RBFOX3: variants seen among roughly 807,000 people sequenced by gnomAD.
RBFOX3 encodes the protein RNA binding protein fox-1 homolog 3.
Under a neutral mutation model 48.7 loss-of-function variants are expected in RBFOX3, and 17 were observed. That is an observed-to-expected ratio of 0.35 (90% CI 0.24 to 0.52). RBFOX3 has a LOEUF of 0.52. RBFOX3 is among the 20% of genes least tolerant of loss of function. The probability of loss-of-function intolerance (pLI) is 0.94; values close to 1 mark genes in which losing one functional copy is unlikely to be tolerated. For missense variants in RBFOX3, 382 were observed against 497.5 expected (o/e 0.77, Z 2.21); for synonymous variants, 212 against 209.5 (o/e 1.01, Z -0.10).
intron 4 of RBFOX3, among the ~76,000 whole-genome samples, chr17:79,170,128 A>AAGGAGGAAGGAGGGAAGGAAGGG (rs2048909237): frequency 7.4e-6 from 1 of 135,698 alleles, no homozygotes; most frequent in African/African-American, 3.2e-5. Flanking sequence ...GGAAGGAAGG[A>AAGGAGGAAGGAGGGAAGGAAGGG]AGGAGGAAGG....
rs575385432 is a variant in RBFOX3, at chr17:79,191,274, C to T, written c.-34+44492G>A. On this transcript the variant is annotated intron_variant, in intron 4 of 14. Transcript: ENST00000693108. ...GCACTGTAGAGAGGGAATGGTGGCCCGGGGGTACCCCGCACCCCAGGACTG... is the reference window on the plus strand; with the variant it reads ...GCACTGTAGAGAGGGAATGGTGGCCTGGGGGTACCCCGCACCCCAGGACTG... Among the ~76,000 whole-genome samples, 21 of 152,282 alleles carry T rather than the reference C, an allele frequency of 1.4e-4. No homozygotes were observed. The South Asian group carries it at 4.4e-3, about 32-fold the overall frequency.
intron 4 of RBFOX3, among the ~76,000 whole-genome samples, chr17:79,132,089 G>T (rs1447458973): frequency 6.6e-6 from 1 of 152,120 alleles, no homozygotes; most frequent in Non-Finnish European, 1.5e-5. Flanking sequence ...GGCTTGGTCG[G>T]CAGGTGCAGA....
intron 1 of RBFOX3, among the ~76,000 whole-genome samples, chr17:79,485,225 CA>C (rs2079388148): frequency 6.6e-6 from 1 of 152,156 alleles, no homozygotes; most frequent in African/African-American, 2.4e-5. Context: ...CCCTCCTTCC[CA>C]GAGCAGTCCT....
At chr17:79,393,996 G>T (rs952718015) in intron 2 of RBFOX3, among the ~76,000 whole-genome samples, 2 of 151,098 alleles carry the variant, frequency 1.3e-5, no homozygotes, top group Non-Finnish European at 2.9e-5. Flanking sequence ...GCACATCTGA[G>T]TCTGTCCCCG....
At chr17:79,650,486 C>A in the RBFOX3 span, among the ~76,000 whole-genome samples, 2 of 152,054 alleles carry the variant, frequency 1.3e-5, no homozygotes, top group Non-Finnish European at 2.9e-5. Flanking sequence ...CTGCCAGCCT[C>A]ATTGCAGCCA....
intron 1 of RBFOX3, among the ~76,000 whole-genome samples, chr17:79,586,939 C>A (rs1222394818): frequency 1.3e-5 from 2 of 152,162 alleles, no homozygotes; most frequent in Non-Finnish European, 2.9e-5. Flanking sequence ...ACCTGAATTC[C>A]AGGCACAAAT....
At chr17:79,422,185 G>A (rs1244923622) in intron 2 of RBFOX3, among the ~76,000 whole-genome samples, 6 of 151,796 alleles carry the variant, frequency 4.0e-5, no homozygotes, top group Admixed American at 3.3e-4. Flanking sequence ...GCAGAAGGGA[G>A]ACAGGGAAAC....
Position 79,362,293 on chromosome 17 carries a change from C to A in RBFOX3, c.-174-54469G>T, listed in dbSNP as rs1223819494. ...AATGCATCTGTCTCCCTGCGTTTCTCTGAAGCCAGAATCCCGGCCCTTCAG... is the reference window on the plus strand; with the variant it reads ...AATGCATCTGTCTCCCTGCGTTTCTATGAAGCCAGAATCCCGGCCCTTCAG... On this transcript the variant is annotated intron_variant, in intron 2 of 14. Coordinates refer to ENST00000693108, the MANE Select transcript of RBFOX3 (RefSeq NM_001350451.2). The surrounding 1 kb of genome is among the most constrained non-coding windows in gnomAD (Gnocchi z 4.2). 6.6e-6 allele frequency among the ~76,000 whole-genome samples: 1 copy of A among 152,256 alleles called. No individual in the cohort carries two copies. Among genetic ancestry groups the A allele is most frequent in the Non-Finnish European group, 1.5e-5 (1 of 68,048 alleles).
At chr17:79,425,211 C>G (rs1307779036) in intron 2 of RBFOX3, among the ~76,000 whole-genome samples, 2 of 152,168 alleles carry the variant, frequency 1.3e-5, no homozygotes, top group African/African-American at 4.8e-5. Flanking sequence ...CCCTGCAAAC[C>G]CCCCTTCCTG....
upstream of RBFOX3, among the ~76,000 whole-genome samples, chr17:79,614,193 TCCTCGGA>T (rs1717855132): frequency 6.6e-6 from 1 of 152,070 alleles, no homozygotes; most frequent in African/African-American, 2.4e-5. Context: ...AGCCTGGAGA[TCCTCGGA>T]TAGCCCCTCT....
chr17:79,481,088 C>T lies in RBFOX3; in HGVS notation c.-175+1366G>A, dbSNP rs947313329. Among the ~76,000 whole-genome samples, 113 of 152,298 alleles carry T rather than the reference C, an allele frequency of 7.4e-4. No individual in the cohort carries two copies. Among genetic ancestry groups the T allele is most frequent in the Middle Eastern group, 3.4e-3 (1 of 294 alleles). On this transcript the variant is annotated intron_variant, in intron 2 of 14. Coordinates refer to ENST00000693108, the MANE Select transcript of RBFOX3 (RefSeq NM_001350451.2). The surrounding 1 kb of genome is among the most constrained non-coding windows in gnomAD (Gnocchi z 5.4). ...TCACCAGAGAGAAGCAAGCAGTGCA[C>T]GCCTGGAGAAGCACCCAGACTGTGC... is the stretch of plus-strand genomic sequence containing the variant.
intron 2 of RBFOX3, among the ~76,000 whole-genome samples, chr17:79,375,085 T>A (rs757296852): frequency 6.6e-6 from 1 of 152,156 alleles, no homozygotes; most frequent in Non-Finnish European, 1.5e-5. Flanking sequence ...ACCAGGTCCC[T>A]GCCATTGAAT....
chr17:79,541,475 G>A (rs900192122), intron 1 of RBFOX3, among the ~76,000 whole-genome samples: 10 of 152,194 alleles, frequency 6.6e-5, no homozygotes, highest in Admixed American at 5.2e-4. Flanking sequence ...TACTAGAGGC[G>A]CCTGGAGTCT....
At chr17:79,414,883 G>A (rs1419182808) in intron 2 of RBFOX3, among the ~76,000 whole-genome samples, 2 of 152,252 alleles carry the variant, frequency 1.3e-5, no homozygotes. Flanking sequence ...GTGGGTCTGG[G>A]ACAGAGCCCG....
In RBFOX3 at chr17:79,391,528, C is replaced by T. The variant is rs1295510038; in HGVS notation, c.-174-83704G>A. Reference sequence around the variant, plus strand: ...TTGTCCGCCCAAATACGGCAAATGCCACCGATTTTAATCTCACCCGAAACC... The same window carrying T: ...TTGTCCGCCCAAATACGGCAAATGCTACCGATTTTAATCTCACCCGAAACC... On this transcript the variant is annotated intron_variant, in intron 2 of 14. Transcript: ENST00000693108. This position sits in a 1 kb window ranked among gnomAD's most constrained non-coding sequence, Gnocchi z 5.0. 6.6e-6 allele frequency among the ~76,000 whole-genome samples: 1 copy of T among 152,180 alleles called. No individual in the cohort carries two copies. Among genetic ancestry groups the T allele is most frequent in the Non-Finnish European group, 1.5e-5 (1 of 68,042 alleles).
Position 79,212,226 on chromosome 17 carries a change from C to T in RBFOX3, c.-34+23540G>A, listed in dbSNP as rs765097375. Among the ~76,000 whole-genome samples the T allele has an allele frequency of 2.6e-5, 4 of 152,170 alleles. No homozygotes were observed. The highest frequency in any genetic ancestry group is 5.9e-5 in the Non-Finnish European group (4 of 68,016). On this transcript the variant is annotated intron_variant, in intron 4 of 14. Coordinates refer to ENST00000693108, the MANE Select transcript of RBFOX3 (RefSeq NM_001350451.2). The surrounding 1 kb of genome is among the most constrained non-coding windows in gnomAD (Gnocchi z 4.7). ...AGGAAAACCTTCAAACTCTAGACAC[C>T]CTTGGCCACCCGCTGCCCTGGGTTC...
At chr17:79,202,495 G>T (rs759689366) in intron 4 of RBFOX3, among the ~76,000 whole-genome samples, 1 of 152,174 alleles carries the variant, frequency 6.6e-6, no homozygotes, top group Admixed American at 6.5e-5. Context: ...TACAGCTTAC[G>T]AAAATTTCAC....
chr17:79,648,485 C>T, the RBFOX3 span, among the ~76,000 whole-genome samples: 48 of 152,306 alleles, frequency 3.2e-4, no homozygotes, highest in African/African-American at 1.0e-3. Flanking sequence ...GGCGTGGCCC[C>T]ATTGCAGAGG....
the RBFOX3 span, among the ~76,000 whole-genome samples, chr17:79,636,429 C>A: frequency 6.6e-6 from 1 of 152,040 alleles, no homozygotes; most frequent in Non-Finnish European, 1.5e-5. Flanking sequence ...TTTAACTTTT[C>A]TATACTGTTT....
Sources: gnomAD v4.1 joint callset for allele counts (sites outside exome capture counted in the v4.1 genomes callset) on GRCh38, gnomAD v4.1.1 for gene constraint, Gnocchi (gnomAD v3.1) non-coding constraint, MANE v1.5 for transcripts, NCBI Gene and HGNC (gene_info 2026-07-23, HGNC 2026-07-21) for gene names.